The following GMIP variants were observed in gnomAD, a reference collection of about 807,000 sequenced individuals.
GMIP encodes GEM-interacting protein.
A neutral mutation model predicts 105.3 loss-of-function variants in GMIP; 54 were observed. That is an observed-to-expected ratio of 0.51 (90% CI 0.41 to 0.64). GMIP has a LOEUF of 0.64. Among genes scored for constraint, GMIP ranks in the 30% least tolerant of loss-of-function variants. The probability of loss-of-function intolerance (pLI) is 0.00; values close to 1 mark genes in which losing one functional copy is unlikely to be tolerated. For synonymous variants in GMIP, 541 were observed against 560.8 expected, an observed-to-expected ratio of 0.96 and a Z score of 0.50; for missense variants, 1,110 against 1,319.4, an observed-to-expected ratio of 0.84 and a Z score of 2.46.
Position 19,636,536 on chromosome 19 carries a change from T to C in GMIP, c.1327+171A>G, listed in dbSNP as rs571756692. On this transcript the variant is annotated intron_variant, in intron 13 of 20. Coordinates refer to ENST00000203556, the MANE Select transcript of GMIP (RefSeq NM_016573.4). ...AGACTGTCTCAAATAAACAAACAAATAAATAAATAAATAATTTTTAAAAAG... is the reference window on the plus strand; with the variant it reads ...AGACTGTCTCAAATAAACAAACAAACAAATAAATAAATAATTTTTAAAAAG... Among the ~76,000 whole-genome samples, 10 of 151,846 alleles carry C rather than the reference T, an allele frequency of 6.6e-5. 1 individual carries two copies. The South Asian group carries it at 1.7e-3, about 25-fold the overall frequency.
At position 19,637,792 on chromosome 19, in the gene GMIP, C is replaced by T. The variant is rs371499382; in HGVS notation, c.927+128G>A. 1 of 1,049,896 alleles carries T rather than the reference C, an allele frequency of 9.5e-7. No individual in the cohort carries two copies. The highest frequency in any genetic ancestry group is 1.4e-6 in the Non-Finnish European group (1 of 727,404). The allele number at this position is 1,049,896 out of a possible 1,614,324, so 65.0% of individuals were successfully genotyped here. On this transcript the variant is annotated intron_variant, in intron 10 of 20. Coordinates refer to ENST00000203556, the MANE Select transcript of GMIP (RefSeq NM_016573.4). The surrounding 1 kb of genome is among the most constrained non-coding windows in gnomAD (Gnocchi z 6.7). Reference sequence around the variant, plus strand: ...GGAGCCGAGACAGTGGGTCTGGGGGCGGGAACTGGCTGTCGAGGGAAATGG... The same window carrying T: ...GGAGCCGAGACAGTGGGTCTGGGGGTGGGAACTGGCTGTCGAGGGAAATGG...
rs2061838702 is a variant in GMIP, at chr19:19,635,018, G to A, written c.1749+7C>T. On this transcript the variant is annotated splice_region_variant and intron_variant, in intron 16 of 20. Transcript: ENST00000203556. The surrounding 1 kb of genome is among the most constrained non-coding windows in gnomAD (Gnocchi z 4.7). ...CTTCTGGGGATGATGAAGGGTCAGGGCAGCACCTGCACATCCAGGGCACGG... is the reference window on the plus strand; with the variant it reads ...CTTCTGGGGATGATGAAGGGTCAGGACAGCACCTGCACATCCAGGGCACGG... 1.2e-6 allele frequency: 2 copies of A among 1,613,538 alleles called. No individual in the cohort carries two copies. The highest frequency in any genetic ancestry group is 1.7e-6 in the Non-Finnish European group (2 of 1,179,760).
At chr19:19,631,203 AAAT>A (rs138091081) in intron 19 of GMIP, among the ~76,000 whole-genome samples, 4,513 of 152,190 alleles carry the variant, frequency 0.03, 239 homozygotes, top group African/African-American at 0.1. Flanking sequence ...TCCGTCTCAA[AAAT>A]AATAATAAGT....
Position 19,638,259 on chromosome 19 carries a change from C to T in GMIP, c.689G>A (p.Arg230His). The T allele has an allele frequency of 6.2e-7, 1 of 1,605,176 alleles. No individual in the cohort carries two copies. Among genetic ancestry groups the T allele is most frequent in the Non-Finnish European group, 8.5e-7 (1 of 1,179,468 alleles). ...CGAGTCCTCAGGGGACCCCTGGGAG[C>T]GTGCCCGCAGGTCCTCGCTGCGTTG... ...YVQRSEDLRA[R>H]SQGSPEDSAP... The change falls in exon 9 of 21, where the codon CGC becomes CAC. Residue 230 changes from arginine to histidine, a missense_variant. Arg to His is a conservative substitution (Grantham distance 29). Around this residue, in one of 3 missense-constraint regions of GMIP, gnomAD observed 667 missense variants for 773.2 expected, o/e 0.86. Transcript: ENST00000203556.
Position 19,630,144 on chromosome 19 carries a change from C to A in GMIP, c.2732G>T (p.Arg911Leu), listed in dbSNP as rs374915909. 8.7e-6 allele frequency: 14 copies of A among 1,603,336 alleles called. No individual in the cohort carries two copies. Among genetic ancestry groups the A allele is most frequent in the South Asian group, 1.1e-5 (1 of 90,038 alleles). ...GGAGGCAGCTGCAGGGCTGGGCCCC[C>A]GCCCCCGCAAACTCCCTCTGGGCAC... ...TSVPRGSLRGRGPSPAAASPE... is the reference protein window; with the variant it reads ...TSVPRGSLRGLGPSPAAASPE... The change falls in exon 21 of 21, where the codon CGG becomes CTG. Residue 911 changes from arginine to leucine, a missense_variant. By Grantham distance (102) the Arg-to-Leu change is moderately radical. This residue lies in a region of GMIP where 394 missense variants were observed against 450.5 expected (regional missense o/e 0.87). Coordinates refer to ENST00000203556, the MANE Select transcript of GMIP (RefSeq NM_016573.4). This position sits in a 1 kb window ranked among gnomAD's most constrained non-coding sequence, Gnocchi z 4.8.
At position 19,637,241 on chromosome 19, in the gene GMIP, G is replaced by T; in HGVS notation, c.1124+124C>A. ...ATTCACCCTCCTATGGCCCCCGAGA[G>T]CCTGGAGTACTAAATTCCACTAAGG... On this transcript the variant is annotated intron_variant, in intron 11 of 20. Transcript: ENST00000203556. The surrounding 1 kb of genome is among the most constrained non-coding windows in gnomAD (Gnocchi z 6.7). The T allele has an allele frequency of 2.7e-6, 2 of 735,942 alleles. No individual in the cohort carries two copies. The highest frequency in any genetic ancestry group is 4.5e-6 in the Non-Finnish European group (2 of 448,974). The allele number at this position is 735,942 out of a possible 1,614,324, so 45.6% of individuals were successfully genotyped here.
At position 19,638,252 on chromosome 19, in the gene GMIP, CT is replaced by C. The variant is rs750541791; in HGVS notation, c.695del (p.Gln232ArgfsTer76). 10 of 1,604,284 alleles carry C rather than the reference CT, an allele frequency of 6.2e-6. No individual in the cohort carries two copies. Among genetic ancestry groups the C allele is most frequent in the Non-Finnish European group, 8.5e-6 (10 of 1,179,456 alleles). Reference sequence around the variant, plus strand: ...GGGGGGCCGAGTCCTCAGGGGACCCCTGGGAGCGTGCCCGCAGGTCCTCGCT... The same window carrying C: ...GGGGGGCCGAGTCCTCAGGGGACCCCGGGAGCGTGCCCGCAGGTCCTCGCT... Reference protein sequence around the residue: ...QRSEDLRARSQGSPEDSAPQA... With the variant: ...QRSEDLRARSXGSPEDSAPQA... On this transcript the variant is annotated frameshift_variant, in exon 9 of 21. Coordinates refer to ENST00000203556, the MANE Select transcript of GMIP (RefSeq NM_016573.4). LOFTEE classifies it high-confidence loss of function.
In GMIP at chr19:19,638,404, T is replaced by A; in HGVS notation, c.616A>T (p.Met206Leu). The A allele has an allele frequency of 1.2e-6, 2 of 1,614,130 alleles. No homozygotes were observed. The highest frequency in any genetic ancestry group is 1.7e-6 in the Non-Finnish European group (2 of 1,179,988). Reference protein sequence around the residue: ...KEQWMKEQKRMNEAVQALRRA... With the variant: ...KEQWMKEQKRLNEAVQALRRA... Reference sequence around the variant, plus strand: ...CTTCCACCAATTCCAAGCCTCACCATCCGCTTCTGCTCCTTCATCCACTGC... The same window carrying A: ...CTTCCACCAATTCCAAGCCTCACCAACCGCTTCTGCTCCTTCATCCACTGC... The change falls in exon 8 of 21, where the codon ATG becomes TTG. Residue 206 changes from methionine (M) to leucine (L), a missense_variant and splice_region_variant. Coordinates refer to ENST00000203556, the MANE Select transcript of GMIP (RefSeq NM_016573.4).
chr19:19,635,460 G>A lies in GMIP; in HGVS notation c.1515C>T (p.Cys505=). Reference sequence around the variant, plus strand: ...TGACCATGAAGGCTTCGCACTCGCGGCACTTGGCTGGGCCCCGCAGTCGCC... The same window carrying A: ...TGACCATGAAGGCTTCGCACTCGCGACACTTGGCTGGGCCCCGCAGTCGCC... ...QLRRLRGPAK[C]RECEAFMVSG... is the part of the protein sequence containing the mutation. The change falls in exon 15 of 21, where the codon TGC becomes TGT. Residue 505 remains cysteine (C), a synonymous_variant. Coordinates refer to ENST00000203556, the MANE Select transcript of GMIP (RefSeq NM_016573.4). This position sits in a 1 kb window ranked among gnomAD's most constrained non-coding sequence, Gnocchi z 4.7. 2.5e-6 allele frequency: 4 copies of A among 1,610,064 alleles called. No individual in the cohort carries two copies.
chr19:19,641,910 G>C, intron 3 of GMIP, 43 bp from the exon 4 acceptor site: 1 of 1,606,740 alleles, frequency 6.2e-7, no homozygotes, highest in Non-Finnish European at 8.5e-7. Flanking sequence ...ACAGGGCAGG[G>C]GCCTGGCCTT....
In GMIP at chr19:19,640,545, G is replaced by A. The variant is rs533077921; in HGVS notation, c.265C>T (p.Arg89Trp). The stretch of plus-strand genomic sequence containing the variant: ...GCTGCGTCCACACCCCCCTTTGTCC[G>A]AATGAGCCGCAAGTCCAGTTCCTCC... ...TGEELDLRLI[R>W]TKGGVDAALE... The change falls in exon 5 of 21, where the codon CGG (arginine) becomes TGG (tryptophan). Residue 89 changes from arginine to tryptophan, a missense_variant. Arg to Trp is a moderately radical substitution (Grantham distance 101). Around this residue, in one of 3 missense-constraint regions of GMIP, gnomAD observed 667 missense variants for 773.2 expected, o/e 0.86. Coordinates refer to ENST00000203556, the MANE Select transcript of GMIP (RefSeq NM_016573.4). 8 of 1,613,922 alleles carry A rather than the reference G, an allele frequency of 5.0e-6. No individual in the cohort carries two copies. Among genetic ancestry groups the A allele is most frequent in the African/African-American group, 2.7e-5 (2 of 74,972 alleles).
At position 19,643,535 on chromosome 19, in the gene GMIP, G is replaced by C; in HGVS notation, c.-6C>G. The C allele has an allele frequency of 6.5e-7, 1 of 1,547,422 alleles. No homozygotes were observed. Among genetic ancestry groups the C allele is most frequent in the East Asian group, 2.5e-5 (1 of 40,650 alleles). On this transcript the variant is annotated 5_prime_UTR_variant, in exon 1 of 21. Transcript: ENST00000203556. The stretch of plus-strand genomic sequence containing the variant: ...CCCGGCTCTGCTGCGTCCATATCTG[G>C]GCCCGGGGATCGCTCTGCAGGGACC...
intron 4 of GMIP, among the ~76,000 whole-genome samples, chr19:19,641,238 G>A (rs375078320): frequency 2.0e-5 from 3 of 151,456 alleles, no homozygotes; most frequent in Non-Finnish European, 2.9e-5. Flanking sequence ...TCGCCACTGC[G>A]CCCGGCTAAA....
intron 1 of GMIP, 130 bp from the exon 2 acceptor site, chr19:19,642,749 G>T (rs531887688): frequency 9.7e-5 from 50 of 513,320 alleles, no homozygotes; most frequent in South Asian, 5.9e-4. Context: ...GGCTGGGGGG[G>T]GCTTGGTTGG....
chr19:19,636,570 A>G, intron 13 of GMIP, 137 bp downstream of exon 13: 1 of 681,436 alleles, frequency 1.5e-6, no homozygotes, highest in Admixed American at 2.5e-5. Flanking sequence ...AGGTAAAAAA[A>G]GAGGTTGAGG....
chr19:19,641,030 G>T (rs1274618332), intron 4 of GMIP, among the ~76,000 whole-genome samples: 1 of 151,924 alleles, frequency 6.6e-6, no homozygotes, highest in Non-Finnish European at 1.5e-5. Context: ...GCCTCCCAAA[G>T]TGCTGGGATT....
At chr19:19,638,604 T>TC (rs1258173444) in intron 7 of GMIP, 122 bp from the exon 8 acceptor site, 3 of 739,468 alleles carry the variant, frequency 4.1e-6, no homozygotes, top group South Asian at 3.6e-5. Context: ...TTTTTTTTTT[T>TC]CGAGACGGAG....
intron 1 of GMIP, chr19:19,643,282 C>T (rs976836471): frequency 8.5e-6 from 4 of 472,520 alleles, no homozygotes; most frequent in South Asian, 4.3e-5. Context: ...TTCCTGGGCC[C>T]CCTCCCCCAG....
chr19:19,642,964 G>C (rs2061939092), intron 1 of GMIP: 1 of 222,346 alleles, frequency 4.5e-6, no homozygotes, highest in Non-Finnish European at 9.0e-6. Context: ...AATACACAAG[G>C]GACAGCCAGG....
Sources: allele counts gnomAD v4.1 joint callset (sites outside exome capture counted in the v4.1 genomes callset), GRCh38; gene constraint gnomAD v4.1.1; regional missense constraint gnomAD v4.1.1; non-coding constraint Gnocchi (gnomAD v3.1); transcripts MANE v1.5; gene names NCBI Gene and HGNC (gene_info 2026-07-23, HGNC 2026-07-21).